Variants in WWC1 observed in about 807,000 individuals in gnomAD.
WWC1 encodes protein KIBRA.
A neutral mutation model predicts 138.4 loss-of-function variants in WWC1; 55 were observed. The observed-to-expected ratio is 0.40, with a 90% CI of 0.32 to 0.50. WWC1 has a LOEUF of 0.50. WWC1 is among the 20% of genes least tolerant of loss of function. WWC1 has a pLI of 0.72. For synonymous variants in WWC1, 524 were observed against 564.9 expected (o/e 0.93, Z 1.03); for missense variants, 1,226 against 1,420.4 (o/e 0.86, Z 2.20).
chr5:168,403,064 T>TTCTCTCTCTCTC (rs1437992836), intron 5 of WWC1, among the ~76,000 whole-genome samples: 2 of 121,722 alleles, frequency 1.6e-5, no homozygotes, highest in South Asian at 2.4e-4. Flanking sequence ...CTTTCTTTCT[T>TTCTCTCTCTCTC]TCTTTCTTTC....
intron 11 of WWC1, among the ~76,000 whole-genome samples, chr5:168,426,243 A>G (rs1282380676): frequency 6.6e-6 from 1 of 152,198 alleles, no homozygotes; most frequent in East Asian, 1.9e-4. Context: ...GCGCCCTACT[A>G]TAGCAGGTGG....
At chr5:168,407,224 T>C (rs2152838013) in intron 6 of WWC1, among the ~76,000 whole-genome samples, 1 of 152,346 alleles carries the variant, frequency 6.6e-6, no homozygotes, top group Middle Eastern at 3.4e-3. Flanking sequence ...GAACAAATTA[T>C]AATAGATATT....
intron 1 of WWC1, among the ~76,000 whole-genome samples, chr5:168,306,920 A>C (rs1561588501): frequency 6.6e-6 from 1 of 152,206 alleles, no homozygotes; most frequent in East Asian, 1.9e-4. Context: ...TTAGAGTTGT[A>C]AGCCTGGGGG....
intron 1 of WWC1, among the ~76,000 whole-genome samples, chr5:168,312,357 A>T (rs1375882308): frequency 1.3e-5 from 2 of 152,214 alleles, no homozygotes; most frequent in East Asian, 3.8e-4. Context: ...AGAGATGAAG[A>T]CGTGGCGGCA....
chr5:168,305,595 A>G (rs890558181), intron 1 of WWC1, among the ~76,000 whole-genome samples: 1 of 152,130 alleles, frequency 6.6e-6, no homozygotes, highest in Non-Finnish European at 1.5e-5. Context: ...CCTTCCTCTT[A>G]GCAGCAAACC....
intron 1 of WWC1, among the ~76,000 whole-genome samples, chr5:168,306,804 C>T (rs1184219334): frequency 6.6e-6 from 1 of 152,070 alleles, no homozygotes; most frequent in African/African-American, 2.4e-5. Flanking sequence ...GCCATGTTGG[C>T]CAGGCTGGTC....
chr5:168,355,933 G>A (rs1013906648), intron 1 of WWC1, among the ~76,000 whole-genome samples: 1 of 114,204 alleles, frequency 8.8e-6, no homozygotes, highest in African/African-American at 3.3e-5. Context: ...AAAGAGAGAC[G>A]GGGAGCCAGA....
intron 2 of WWC1, among the ~76,000 whole-genome samples, chr5:168,384,583 C>T (rs983117511): frequency 4.6e-5 from 7 of 152,204 alleles, no homozygotes; most frequent in Admixed American, 3.9e-4. Flanking sequence ...TTAGTCTTCA[C>T]CAAAGGAGAT....
intron 5 of WWC1, 35 bp downstream of exon 5, chr5:168,399,602 G>C: frequency 1.2e-6 from 2 of 1,604,948 alleles, no homozygotes; most frequent in Non-Finnish European, 1.7e-6. Flanking sequence ...CATGGGGGCT[G>C]CTCCCCACCC....
intron 17 of WWC1, among the ~76,000 whole-genome samples, chr5:168,446,877 A>G (rs1341552937): frequency 6.6e-6 from 1 of 152,234 alleles, no homozygotes; most frequent in African/African-American, 2.4e-5. Context: ...CCATGTAGGA[A>G]ATGGCCACAG....
At chr5:168,339,063 C>G (rs544649288) in intron 1 of WWC1, among the ~76,000 whole-genome samples, 1 of 152,270 alleles carries the variant, frequency 6.6e-6, no homozygotes, top group African/African-American at 2.4e-5. Flanking sequence ...TGTATCAAAA[C>G]ATCACTGTGT....
chr5:168,325,715 G>C (rs1296725284), intron 1 of WWC1, among the ~76,000 whole-genome samples: 1 of 152,034 alleles, frequency 6.6e-6, no homozygotes, highest in Non-Finnish European at 1.5e-5. Context: ...GTAGAGTTTA[G>C]TGCATTAATT....
intron 20 of WWC1, among the ~76,000 whole-genome samples, chr5:168,462,898 G>A (rs749558785): frequency 5.9e-5 from 9 of 152,330 alleles, no homozygotes; most frequent in African/African-American, 1.4e-4. Flanking sequence ...CTTGAGCCAC[G>A]TAGATCACTC....
chr5:168,396,944 C>T (rs953244950), intron 3 of WWC1, among the ~76,000 whole-genome samples: 2 of 149,568 alleles, frequency 1.3e-5, no homozygotes, highest in African/African-American at 5.1e-5. Context: ...AAAGTACAAT[C>T]AACAATACTT....
intron 1 of WWC1, among the ~76,000 whole-genome samples, chr5:168,339,895 GTCTCTCTCTCTTTC>G (rs1773859030): frequency 1.5e-5 from 1 of 66,706 alleles, no homozygotes; most frequent in African/African-American, 6.6e-5. Flanking sequence ...CTCTCTCTCT[GTCTCTCTCTCTTTC>G]TCTCTCTCTC....
At chr5:168,327,951 G>A (rs938277579) in intron 1 of WWC1, among the ~76,000 whole-genome samples, 10 of 152,222 alleles carry the variant, frequency 6.6e-5, no homozygotes, top group Admixed American at 1.3e-4. Context: ...GTTAGAGCAT[G>A]TGGGTGGATG....
intron 1 of WWC1, among the ~76,000 whole-genome samples, chr5:168,362,299 T>G (rs549499081): frequency 3.2e-4 from 49 of 152,218 alleles, no homozygotes; most frequent in Non-Finnish European, 6.2e-4. Context: ...TGGTGCATAG[T>G]GAGTGCTCAG....
intron 15 of WWC1, among the ~76,000 whole-genome samples, chr5:168,435,496 G>C (rs188424920): frequency 6.6e-6 from 1 of 152,148 alleles, no homozygotes; most frequent in East Asian, 1.9e-4. Flanking sequence ...CAGCAGCCTT[G>C]ACCTTCTGGG....
intron 2 of WWC1, among the ~76,000 whole-genome samples, chr5:168,382,951 A>G (rs2005241): frequency 0.42 from 63,705 of 151,860 alleles, 13,512 homozygotes; most frequent in South Asian, 0.52. Flanking sequence ...CGAGGCAGGT[A>G]GGTCACCTGA....
Sources: allele counts gnomAD v4.1 joint callset (sites outside exome capture counted in the v4.1 genomes callset), GRCh38; gene constraint gnomAD v4.1.1; transcripts MANE v1.5; gene names NCBI Gene and HGNC (gene_info 2026-07-23, HGNC 2026-07-21).